Variants in PPARD observed in about 807,000 individuals in gnomAD.
PPARD encodes the protein peroxisome proliferator activated receptor delta.
In PPARD, 6 loss-of-function variants were observed where a neutral mutation model predicts 39.5. That is an observed-to-expected ratio of 0.15 (90% confidence interval 0.08 to 0.30). The LOEUF (loss-of-function observed/expected upper bound fraction) is 0.30, where lower values mean the gene tolerates loss of function less well. Ranked by LOEUF, PPARD falls within the 10% of genes least tolerant of loss-of-function variation. PPARD has a pLI of 1.00. For synonymous variants in PPARD, 210 were observed against 231.3 expected, an observed-to-expected ratio of 0.91 and a Z score of 0.83; for missense variants, 397 against 596.8, an observed-to-expected ratio of 0.67 and a Z score of 3.49.
intron 2 of PPARD, among the ~76,000 whole-genome samples, chr6:35,385,110 C>A (rs1432823591): frequency 2.8e-5 from 4 of 145,118 alleles, no homozygotes; most frequent in African/African-American, 1.1e-4. Context: ...CCCCTCTGCC[C>A]GGCCACCACC....
At position 35,424,880 on chromosome 6, in the gene PPARD, G is replaced by T. The variant is rs951753776; in HGVS notation, c.1078+101G>T. ...TGTGCCTGAGCTCTGACAGTGTGGG[G>T]AAGTGTCCCTGTGATCTTGGCAGTG... On this transcript the variant is annotated intron_variant, in intron 7 of 7. Transcript: ENST00000360694. The surrounding 1 kb of genome is among the most constrained non-coding windows in gnomAD (Gnocchi z 7.1). The T allele has an allele frequency of 6.7e-7, 1 of 1,499,890 alleles. No individual in the cohort carries two copies. Among genetic ancestry groups the T allele is most frequent in the Admixed American group, 2.2e-5 (1 of 45,702 alleles). 92.9% of individuals were successfully genotyped at this position (1,499,890 alleles called of 1,614,324 possible). A position where few individuals can be genotyped will look rare whatever the true frequency, so the allele number is the denominator to read the frequency against.
intron 5 of PPARD, 38 bp downstream of exon 5, chr6:35,421,996 C>G (rs372122364): frequency 1.3e-6 from 2 of 1,567,806 alleles, no homozygotes; most frequent in African/African-American, 1.4e-5. Context: ...GCTGCTGGCT[C>G]CACACAGCCT....
chr6:35,399,482 G>A (rs960999183), intron 2 of PPARD, among the ~76,000 whole-genome samples: 30 of 150,726 alleles, frequency 2.0e-4, no homozygotes, highest in African/African-American at 6.8e-4. Context: ...AAGGCGGGAG[G>A]ATCACTTGTG....
intron 4 of PPARD, among the ~76,000 whole-genome samples, chr6:35,420,618 G>A (rs1766085571): frequency 6.6e-6 from 1 of 152,198 alleles, no homozygotes; most frequent in Admixed American, 6.5e-5. Flanking sequence ...GTTTCTCAAG[G>A]CTCAAAGCGG....
At chr6:35,349,002 A>G (rs1277746319) in intron 2 of PPARD, 1 of 983,492 alleles carries the variant, frequency 1.0e-6, no homozygotes, top group African/African-American at 1.8e-5. Flanking sequence ...TCCCAGTCGC[A>G]GGTAGGAACT....
chr6:35,403,166 A>G (rs1282190770), intron 2 of PPARD, among the ~76,000 whole-genome samples: 1 of 152,214 alleles, frequency 6.6e-6, no homozygotes, highest in Non-Finnish European at 1.5e-5. Context: ...CTTGGGTTTC[A>G]GCAGGCTAGC....
intron 2 of PPARD, among the ~76,000 whole-genome samples, chr6:35,394,769 TCCCCG>T (rs2150690143): frequency 7.3e-6 from 1 of 137,062 alleles, no homozygotes; most frequent in Non-Finnish European, 1.6e-5. Context: ...AGACCCTGTC[TCCCCG>T]CCCCCCCCAC....
chr6:35,345,943 C>G (rs557977245), intron 1 of PPARD, among the ~76,000 whole-genome samples: 2 of 138,378 alleles, frequency 1.4e-5, no homozygotes, highest in South Asian at 4.6e-4. Context: ...GTGGTGCGAT[C>G]TTGGCTCACT....
Position 35,424,562 on chromosome 6 carries a change from C to T in PPARD, c.861C>T (p.His287=), listed in dbSNP as rs1225174633. ...TTACCCTTCTCAAGTATGGCGTGCA[C>T]GAGGCCATCTTCGCCATGCTGGCCT... ...DQVTLLKYGV[H]EAIFAMLASI... The change falls in exon 7 of 8, where the codon CAC becomes CAT. Residue 287 remains histidine, a synonymous_variant. Coordinates refer to ENST00000360694, the MANE Select transcript of PPARD (RefSeq NM_006238.5). The surrounding 1 kb of genome is among the most constrained non-coding windows in gnomAD (Gnocchi z 7.1). 11 of 1,614,130 alleles carry T rather than the reference C, an allele frequency of 6.8e-6. No individual in the cohort carries two copies. The highest frequency in any genetic ancestry group is 2.2e-5 in the East Asian group (1 of 44,900).
intron 2 of PPARD, among the ~76,000 whole-genome samples, chr6:35,377,869 A>ATATTTTTTTTTTTTTTTTTTTTTTTTT (rs1478712456): frequency 9.7e-6 from 1 of 103,122 alleles, no homozygotes; most frequent in South Asian, 2.7e-4. Context: ...TTGTTTACGT[A>ATATTTTTTTTTTTTTTTTTTTTTTTTT]TCTTTTTTTT....
At chr6:35,418,403 C>T (rs1442440297) in intron 3 of PPARD, among the ~76,000 whole-genome samples, 1 of 152,242 alleles carries the variant, frequency 6.6e-6, no homozygotes, top group Non-Finnish European at 1.5e-5. Context: ...GCAGTCAGGA[C>T]ACCCAGGCAG....
chr6:35,407,035 G>A (rs775916859), intron 2 of PPARD, among the ~76,000 whole-genome samples: 3 of 152,158 alleles, frequency 2.0e-5, no homozygotes, highest in Non-Finnish European at 4.4e-5. Context: ...GAGTGGGAGC[G>A]TGACGCATAG....
chr6:35,425,969 C>T lies in PPARD; in HGVS notation c.1216C>T (p.Leu406=), dbSNP rs368912936. ...FPKLLQKMAD[L]RQLVTEHAQM... is the part of the protein sequence containing the mutation. The stretch of plus-strand genomic sequence containing the variant: ...CAAGCTGCTGCAGAAGATGGCTGAC[C>T]TGCGGCAACTGGTCACCGAGCACGC... The change falls in exon 8 of 8, where the codon CTG becomes TTG. Residue 406 remains leucine, a synonymous_variant. Coordinates refer to ENST00000360694, the MANE Select transcript of PPARD (RefSeq NM_006238.5). The surrounding 1 kb of genome is among the most constrained non-coding windows in gnomAD (Gnocchi z 4.5). The T allele has an allele frequency of 1.2e-6, 2 of 1,614,032 alleles. No individual in the cohort carries two copies. The highest frequency in any genetic ancestry group is 2.7e-5 in the African/African-American group (2 of 74,914).
chr6:35,355,507 G>T (rs1279955896), intron 2 of PPARD, among the ~76,000 whole-genome samples: 1 of 114,754 alleles, frequency 8.7e-6, no homozygotes, highest in Non-Finnish European at 1.6e-5. Context: ...AGCCATATTT[G>T]TACCACTGTA....
rs1424079521 is a variant in PPARD, at chr6:35,420,168, C to T, written c.172C>T (p.Leu58=). Residue 58 remains leucine, a synonymous_variant, in exon 4 of 8, where the codon CTG becomes TTG. Transcript: ENST00000360694. The part of the protein sequence containing the change: ...SSSPPSLLDQ[L]QMGCDGASCG... ...CTCGCCACCCTCACTGCTGGACCAA[C>T]TGCAGATGGGCTGTGACGGGGCCTC... is the stretch of plus-strand genomic sequence containing the variant. 6.2e-7 allele frequency: 1 copy of T among 1,613,774 alleles called. No individual in the cohort carries two copies. The highest frequency in any genetic ancestry group is 1.1e-5 in the South Asian group (1 of 91,066).
rs769008202 is a variant in PPARD at position 35,420,085 on chromosome 6, C to T, written c.131-42C>T. Reference sequence around the variant, plus strand: ...CTGTTCCCACGCCCTGGCTTCCAGGCCTGGCAGCATGTGGAGCTGCCCCTC... The same window carrying T: ...CTGTTCCCACGCCCTGGCTTCCAGGTCTGGCAGCATGTGGAGCTGCCCCTC... On this transcript the variant is annotated intron_variant, in intron 3 of 7. Transcript: ENST00000360694. The T allele has an allele frequency of 1.3e-5, 20 of 1,597,408 alleles. No homozygotes were observed. The East Asian group carries it at 4.3e-4, about 34-fold the overall frequency.
intron 2 of PPARD, among the ~76,000 whole-genome samples, chr6:35,388,359 C>T (rs879182821): frequency 1.3e-5 from 2 of 152,000 alleles, no homozygotes; most frequent in Non-Finnish European, 2.9e-5. Context: ...GCACGTGCCG[C>T]GGGGGCAGGA....
Position 35,363,439 on chromosome 6 carries a change from A to G in PPARD, c.-102+16289A>G, listed in dbSNP as rs1762029399. On this transcript the variant is annotated intron_variant, in intron 2 of 7. Transcript: ENST00000360694. The surrounding 1 kb of genome is among the most constrained non-coding windows in gnomAD (Gnocchi z 4.5). ...CCTCTCCCTTCACCACTCCCAAGCT[A>G]TAATTAAGTTCCCATGTGAAACTGT... 6.6e-6 allele frequency among the ~76,000 whole-genome samples: 1 copy of G among 152,124 alleles called. No homozygotes were observed. The highest frequency in any genetic ancestry group is 2.1e-4 in the South Asian group (1 of 4,826).
At chr6:35,381,716 A>G (rs1763165750) in intron 2 of PPARD, among the ~76,000 whole-genome samples, 1 of 152,228 alleles carries the variant, frequency 6.6e-6, no homozygotes, top group Non-Finnish European at 1.5e-5. Context: ...CTGAGACATC[A>G]TTTAGCTGAG....
Sources: gnomAD v4.1 joint callset for allele counts (sites outside exome capture counted in the v4.1 genomes callset) on GRCh38, gnomAD v4.1.1 for gene constraint, Gnocchi (gnomAD v3.1) non-coding constraint, MANE v1.5 for transcripts, NCBI Gene and HGNC (gene_info 2026-07-23, HGNC 2026-07-21) for gene names.